The following LRP1B variants were observed in gnomAD, a reference collection of about 807,000 sequenced individuals.
LRP1B encodes low-density lipoprotein receptor-related protein 1B.
Under a neutral mutation model 556.6 loss-of-function variants are expected in LRP1B, and 217 were observed. The observed-to-expected ratio is 0.39, with a 90% CI of 0.35 to 0.44. The LOEUF is 0.44. LRP1B is among the 20% of genes least tolerant of loss of function. LRP1B has a pLI of 1.00. For synonymous variants in LRP1B, 2,047 were observed against 1,865.8 expected, an observed-to-expected ratio of 1.10 and a Z score of -2.50; for missense variants, 5,053 against 5,620.8, an observed-to-expected ratio of 0.90 and a Z score of 3.23.
At chr2:140,888,337 AAAT>A (rs1204220635) in intron 23 of LRP1B, among the ~76,000 whole-genome samples, 3 of 152,138 alleles carry the variant, frequency 2.0e-5, no homozygotes, top group African/African-American at 7.2e-5. Context: ...AGAATTCAGA[AAAT>A]AAAAATGAAT....
intron 2 of LRP1B, among the ~76,000 whole-genome samples, chr2:141,730,819 C>G (rs1693240965): frequency 6.6e-6 from 1 of 152,164 alleles, no homozygotes. Context: ...ATACTCCCCA[C>G]CCTGAATACT....
At chr2:141,692,360 T>C (rs745746662) in intron 2 of LRP1B, among the ~76,000 whole-genome samples, 16 of 152,048 alleles carry the variant, frequency 1.1e-4, no homozygotes, top group Non-Finnish European at 2.4e-4. Context: ...TAAACTACTG[T>C]GAATTCCCTA....
intron 32 of LRP1B, among the ~76,000 whole-genome samples, chr2:140,797,963 A>G (rs568891413): frequency 1.3e-5 from 2 of 152,256 alleles, no homozygotes; most frequent in Admixed American, 1.3e-4. Flanking sequence ...GTCACGTCTC[A>G]GTGAAAACTG....
Position 140,254,688 on chromosome 2 carries a change from G to T in LRP1B, c.13248-7526C>A, listed in dbSNP as rs752418102. Among the ~76,000 whole-genome samples, 3 of 151,978 alleles carry T rather than the reference G, an allele frequency of 2.0e-5. No homozygotes were observed. In the East Asian group the frequency reaches 5.8e-4, roughly 30 times the overall value. ...CCTGCCTCAGCTCCCTGAGTATCAG[G>T]GATTACAGGCACTTGCCACCACACC... is the stretch of plus-strand genomic sequence containing the variant. On this transcript the variant is annotated intron_variant, in intron 86 of 90. Transcript: ENST00000389484.
chr2:141,440,828 G>A (rs778697824), intron 3 of LRP1B, among the ~76,000 whole-genome samples: 2 of 152,100 alleles, frequency 1.3e-5, no homozygotes, highest in African/African-American at 2.4e-5. Context: ...AAGTTGCAGC[G>A]GTGGTTCTCA....
At chr2:141,010,553 A>T (rs1388858967) in intron 14 of LRP1B, among the ~76,000 whole-genome samples, 7 of 151,726 alleles carry the variant, frequency 4.6e-5, no homozygotes. Context: ...TTTGCTCTGT[A>T]ACTCAGGCTG....
At chr2:141,133,425 C>T (rs1026968221) in intron 7 of LRP1B, among the ~76,000 whole-genome samples, 9 of 151,478 alleles carry the variant, frequency 5.9e-5, no homozygotes, top group African/African-American at 1.9e-4. Context: ...CATTAAGATT[C>T]GGAGACTTAT....
Position 140,334,418 on chromosome 2 carries a change from C to CA in LRP1B, c.12223+34_12223+35insT, listed in dbSNP as rs746640510. The CA allele has an allele frequency of 9.3e-6, 12 of 1,296,614 alleles. No homozygotes were observed. In the East Asian group the frequency reaches 2.8e-4, roughly 30 times the overall value. The allele number at this position is 1,296,614 out of a possible 1,614,324, so 80.3% of individuals were successfully genotyped here. ...TGTTAACAGTAATATACTTGTCATT[C>CA]TGCTTCATATTTTAGCGTGTGTCAG... On this transcript the variant is annotated intron_variant, in intron 79 of 90. Transcript: ENST00000389484.
intron 2 of LRP1B, among the ~76,000 whole-genome samples, chr2:141,763,878 C>T (rs1350896237): frequency 1.0e-5 from 1 of 97,000 alleles, no homozygotes; most frequent in African/African-American, 3.6e-5. Context: ...AGTGAATATG[C>T]TTGATAATCC....
chr2:140,644,401 C>CTTTTTTTT (rs34828807), intron 41 of LRP1B, among the ~76,000 whole-genome samples: 2 of 132,838 alleles, frequency 1.5e-5, no homozygotes, highest in African/African-American at 2.8e-5. Flanking sequence ...TTTCTTTTTT[C>CTTTTTTTT]TTTTTTTTTT....
Position 140,604,806 on chromosome 2 carries a change from G to A in LRP1B, c.6800-3167C>T, listed in dbSNP as rs185450657. The stretch of plus-strand genomic sequence containing the variant: ...CGGGGGTAATTGAATCACAGTGGCA[G>A]GTTTTTCCATGCTGTTCCCGTGATA... On this transcript the variant is annotated intron_variant, in intron 41 of 90. Coordinates refer to ENST00000389484, the MANE Select transcript of LRP1B (RefSeq NM_018557.3). Among the ~76,000 whole-genome samples the A allele has an allele frequency of 2.6e-3, 401 of 151,806 alleles. 2 individuals carry two copies. The highest frequency in any genetic ancestry group is 9.4e-3 in the African/African-American group (390 of 41,496).
At chr2:140,747,432 A>G (rs563462999) in intron 35 of LRP1B, among the ~76,000 whole-genome samples, 1 of 152,284 alleles carries the variant, frequency 6.6e-6, no homozygotes, top group Middle Eastern at 3.4e-3. Flanking sequence ...CCAAGGCATG[A>G]GTCCCTACAG....
chr2:142,056,011 C>T (rs1436743147), intron 1 of LRP1B, among the ~76,000 whole-genome samples: 6 of 151,962 alleles, frequency 3.9e-5, no homozygotes, highest in African/African-American at 7.3e-5. Flanking sequence ...ATTAGCTGGG[C>T]GTGGTATCGC....
chr2:140,439,996 T>C (rs1686355541), intron 66 of LRP1B, among the ~76,000 whole-genome samples: 1 of 152,160 alleles, frequency 6.6e-6, no homozygotes, highest in Non-Finnish European at 1.5e-5. Flanking sequence ...CTCTTGCTTC[T>C]ACATTGTTTT....
At chr2:140,316,243 A>G (rs1344268802) in intron 82 of LRP1B, among the ~76,000 whole-genome samples, 1 of 152,136 alleles carries the variant, frequency 6.6e-6, no homozygotes, top group African/African-American at 2.4e-5. Context: ...TTACTATAGT[A>G]ATGTCCATTT....
intron 2 of LRP1B, among the ~76,000 whole-genome samples, chr2:141,508,572 C>T (rs1684013878): frequency 2.0e-5 from 3 of 151,988 alleles, no homozygotes; most frequent in Admixed American, 6.6e-5. Context: ...TTTTTATACT[C>T]CAAGTTTACT....
chr2:141,288,235 TAACA>T (rs1685797480), intron 3 of LRP1B, among the ~76,000 whole-genome samples: 1 of 81,048 alleles, frequency 1.2e-5, no homozygotes, highest in Non-Finnish European at 2.9e-5. Context: ...AATGGAATAA[TAACA>T]AAAAAAAAAA....
chr2:141,017,224 G>T (rs889708754), intron 12 of LRP1B, among the ~76,000 whole-genome samples: 1 of 151,292 alleles, frequency 6.6e-6, no homozygotes, highest in African/African-American at 2.4e-5. Context: ...ATGTAGTTAG[G>T]TATAACTACT....
intron 41 of LRP1B, among the ~76,000 whole-genome samples, chr2:140,678,223 G>A (rs1002552272): frequency 1.3e-5 from 2 of 152,122 alleles, no homozygotes; most frequent in Non-Finnish European, 2.9e-5. Context: ...AGAATGATGT[G>A]GACAGGTATG....
Sources: gnomAD v4.1 joint callset for allele counts (sites outside exome capture counted in the v4.1 genomes callset) on GRCh38, gnomAD v4.1.1 for gene constraint, MANE v1.5 for transcripts, NCBI Gene and HGNC (gene_info 2026-07-23, HGNC 2026-07-21) for gene names.